Variants in ENTREP2 observed in about 807,000 individuals in gnomAD.
ENTREP2 encodes endosomal transmembrane epsin interactor 2.
At chr15:29,382,620 C>T in the ENTREP2 span, among the ~76,000 whole-genome samples, 3 of 152,188 alleles carry the variant, frequency 2.0e-5, no homozygotes, top group African/African-American at 7.2e-5. Context: ...TCCCCTCTCT[C>T]CTGCCTCCTC....
the ENTREP2 span, among the ~76,000 whole-genome samples, chr15:29,621,601 A>C: frequency 2.0e-5 from 3 of 151,076 alleles, no homozygotes; most frequent in Non-Finnish European, 4.4e-5. Flanking sequence ...AAAAAAAAAA[A>C]AAAAAAACCC....
the ENTREP2 span, among the ~76,000 whole-genome samples, chr15:29,633,825 G>A: frequency 6.6e-6 from 1 of 152,172 alleles, no homozygotes; most frequent in South Asian, 2.1e-4. Context: ...TGGGCGTGGT[G>A]ACGGGTGCCT....
the ENTREP2 span, among the ~76,000 whole-genome samples, chr15:29,212,874 G>A: frequency 6.6e-6 from 1 of 152,210 alleles, no homozygotes; most frequent in Non-Finnish European, 1.5e-5. Flanking sequence ...CCATGCCTAT[G>A]TCCTGAATAG....
At chr15:29,500,619 G>A in the ENTREP2 span, among the ~76,000 whole-genome samples, 1 of 152,034 alleles carries the variant, frequency 6.6e-6, no homozygotes, top group African/African-American at 2.4e-5. Flanking sequence ...GCAGTGCTCA[G>A]AGGGAAATTT....
At chr15:29,287,400 A>AG in the ENTREP2 span, among the ~76,000 whole-genome samples, 1,086 of 91,336 alleles carry the variant, frequency 0.012, 13 homozygotes, top group Middle Eastern at 0.018. Flanking sequence ...AAAAAAAAGA[A>AG]AAAAAAAAAA....
the ENTREP2 span, among the ~76,000 whole-genome samples, chr15:29,588,955 A>T: frequency 6.6e-6 from 1 of 150,994 alleles, no homozygotes; most frequent in Non-Finnish European, 1.5e-5. Context: ...GTGCCGCTGC[A>T]CTCCAGCCTG....
chr15:29,444,171 A>ACAGAAAGAAAG, the ENTREP2 span, among the ~76,000 whole-genome samples: 1 of 8,858 alleles, frequency 1.1e-4, no homozygotes, highest in African/African-American at 3.6e-4. Flanking sequence ...AAAGACAGAC[A>ACAGAAAGAAAG]AAGAAAGAAA....
chr15:29,134,552 C>T, the ENTREP2 span, among the ~76,000 whole-genome samples: 29 of 152,328 alleles, frequency 1.9e-4, no homozygotes, highest in African/African-American at 6.5e-4. Context: ...ATATGACTCC[C>T]CAGGTGCGGG....
chr15:29,558,895 T>G, the ENTREP2 span, among the ~76,000 whole-genome samples: 2 of 151,752 alleles, frequency 1.3e-5, no homozygotes, highest in Admixed American at 6.6e-5. Flanking sequence ...TCCAGCTTAC[T>G]TTATGGTAAG....
chr15:29,177,774 C>T, the ENTREP2 span, among the ~76,000 whole-genome samples: 27 of 151,484 alleles, frequency 1.8e-4, no homozygotes, highest in East Asian at 4.9e-3. Flanking sequence ...TCAAGGGTGG[C>T]GGAGGTTGGT....
the ENTREP2 span, among the ~76,000 whole-genome samples, chr15:29,244,279 C>T: frequency 6.6e-4 from 100 of 152,220 alleles, no homozygotes; most frequent in Non-Finnish European, 1.1e-3. Flanking sequence ...AGGATGGAAG[C>T]GAATACCTCC....
chr15:29,254,654 C>T, the ENTREP2 span, among the ~76,000 whole-genome samples: 1 of 152,116 alleles, frequency 6.6e-6, no homozygotes, highest in South Asian at 2.1e-4. Context: ...ATCAGGAGTT[C>T]GAGACCAGCC....
chr15:29,248,059 C>T, the ENTREP2 span, among the ~76,000 whole-genome samples: 94,892 of 152,090 alleles, frequency 0.62, 29,743 homozygotes, highest in African/African-American at 0.67. Context: ...ATAAATGGCC[C>T]GTGGCTTTCT....
the ENTREP2 span, among the ~76,000 whole-genome samples, chr15:29,646,114 ATGTCTTCTG>A: frequency 6.6e-6 from 1 of 152,188 alleles, no homozygotes; most frequent in Non-Finnish European, 1.5e-5. Flanking sequence ...GTGCTTGGCT[ATGTCTTCTG>A]TTCTCTGATT....
At chr15:29,188,113 T>A in the ENTREP2 span, among the ~76,000 whole-genome samples, 2 of 152,200 alleles carry the variant, frequency 1.3e-5, no homozygotes, top group Non-Finnish European at 2.9e-5. Context: ...GAAATATTAA[T>A]AATAAGATAT....
the ENTREP2 span, among the ~76,000 whole-genome samples, chr15:29,219,765 T>C: frequency 6.6e-6 from 1 of 150,574 alleles, no homozygotes; most frequent in African/African-American, 2.5e-5. Context: ...AAATCAAGAA[T>C]GGAAAACCAA....
the ENTREP2 span, among the ~76,000 whole-genome samples, chr15:29,186,743 T>G: frequency 1.3e-5 from 2 of 152,162 alleles, no homozygotes; most frequent in African/African-American, 4.8e-5. Context: ...TCCAGTAACC[T>G]CCCAGAAGGC....
At chr15:29,293,458 G>A in the ENTREP2 span, among the ~76,000 whole-genome samples, 23 of 150,688 alleles carry the variant, frequency 1.5e-4, no homozygotes, top group South Asian at 4.2e-4. Context: ...GGGTTTCACC[G>A]TTTTAGCCAG....
the ENTREP2 span, among the ~76,000 whole-genome samples, chr15:29,305,076 T>A: frequency 6.6e-6 from 1 of 152,262 alleles, no homozygotes; most frequent in African/African-American, 2.4e-5. Flanking sequence ...CCATGAGGGC[T>A]GAGATCTTGG....
Sources: allele counts gnomAD v4.1 joint callset (sites outside exome capture counted in the v4.1 genomes callset), GRCh38; gene constraint gnomAD v4.1.1; transcripts MANE v1.5; gene names NCBI Gene and HGNC (gene_info 2026-07-23, HGNC 2026-07-21).